SDE2: variants seen among roughly 807,000 people sequenced by gnomAD.
SDE2 encodes the protein splicing regulator SDE2.
SDE2 carries 31 observed loss-of-function variants against 46.9 expected under a neutral mutation model. That is an observed-to-expected ratio of 0.66 (90% CI 0.50 to 0.89). The LOEUF is 0.89. SDE2 is among the 40% of genes least tolerant of loss of function. The probability of loss-of-function intolerance (pLI) is 0.00; values close to 1 mark genes in which losing one functional copy is unlikely to be tolerated. For missense variants in SDE2, 542 were observed against 564.4 expected (o/e 0.96, Z 0.40); for synonymous variants, 205 against 204.3 (o/e 1.00, Z -0.03).
At chr1:225,996,690 C>T (rs991814992) in intron 1 of SDE2, among the ~76,000 whole-genome samples, 8 of 152,162 alleles carry the variant, frequency 5.3e-5, no homozygotes, top group Admixed American at 5.2e-4. Context: ...GAACTGCACA[C>T]CAGGAGTCAT....
intron 1 of SDE2, among the ~76,000 whole-genome samples, chr1:225,996,573 GC>G (rs1656532088): frequency 6.6e-6 from 1 of 152,158 alleles, no homozygotes; most frequent in Admixed American, 6.5e-5. Context: ...AACCATTTGT[GC>G]ATTGTAAAGT....
chr1:225,988,346 A>C lies in SDE2; in HGVS notation c.684T>G (p.Ser228=). The C allele has an allele frequency of 6.2e-7, 1 of 1,614,168 alleles. No homozygotes were observed. Among genetic ancestry groups the C allele is most frequent in the Non-Finnish European group, 8.5e-7 (1 of 1,180,010 alleles). The change falls in exon 6 of 7, where the codon TCT becomes TCG. Residue 228 remains serine (S), a synonymous_variant. Transcript: ENST00000272091. ...CTTCACTGTCATCATCTGAACTCTCAGAGTTGGACCCTTCTGCAGTCTCTA... is the reference window on the plus strand; with the variant it reads ...CTTCACTGTCATCATCTGAACTCTCCGAGTTGGACCCTTCTGCAGTCTCTA... ...EGLETAEGSN[S]ESSDDDSEEA...
Position 225,985,206 on chromosome 1 carries a change from C to T in SDE2, c.*96G>A. 1.1e-6 allele frequency: 1 copy of T among 940,332 alleles called. No individual in the cohort carries two copies. The highest frequency in any genetic ancestry group is 1.7e-6 in the Non-Finnish European group (1 of 599,866). 58.2% of individuals were successfully genotyped at this position (940,332 alleles called of 1,614,324 possible). A position where few individuals can be genotyped will look rare whatever the true frequency, so the allele number is the denominator to read the frequency against. The stretch of plus-strand genomic sequence containing the variant: ...TAGAATTGGGTTACTAAAAAGTTAG[C>T]TTTTAATATCAACAGGAATACTGGT... On this transcript the variant is annotated 3_prime_UTR_variant, in exon 7 of 7. Coordinates refer to ENST00000272091, the MANE Select transcript of SDE2 (RefSeq NM_152608.4).
At chr1:225,992,234 T>A (rs575177568) in intron 4 of SDE2, among the ~76,000 whole-genome samples, 164 bp downstream of exon 4, 1 of 152,152 alleles carries the variant, frequency 6.6e-6, no homozygotes, top group African/African-American at 2.4e-5. Context: ...AAAAAAATAC[T>A]GTGTTCATTT....
At position 225,991,266 on chromosome 1, in the gene SDE2, A is replaced by G; in HGVS notation, c.618T>C (p.Ser206=). The G allele has an allele frequency of 2.5e-6, 4 of 1,613,940 alleles. No homozygotes were observed. Among genetic ancestry groups the G allele is most frequent in the Non-Finnish European group, 3.4e-6 (4 of 1,179,840 alleles). ...ACCAGAAGCATCTCCTCTTTCCCGC[A>G]CTGGCTCCTCTGTCTGTTTGAGATT... ...PTKSQTDRGA[S]AGKRRCFWLG... Residue 206 remains serine, a synonymous_variant, in exon 5 of 7, where the codon AGT becomes AGC. Transcript: ENST00000272091.
chr1:225,985,867 G>C (rs1181501286), intron 6 of SDE2, among the ~76,000 whole-genome samples: 1 of 152,090 alleles, frequency 6.6e-6, no homozygotes, highest in East Asian at 1.9e-4. Context: ...AGAAAGAGCA[G>C]GCACTCCTAA....
At chr1:225,990,000 G>C (rs1455364485) in intron 5 of SDE2, among the ~76,000 whole-genome samples, 2 of 151,580 alleles carry the variant, frequency 1.3e-5, no homozygotes, top group African/African-American at 4.8e-5. Flanking sequence ...GCTTAAACCT[G>C]GGAGGTCAAG....
Position 225,991,307 on chromosome 1 carries a change from G to T in SDE2, c.577C>A (p.Arg193=), listed in dbSNP as rs951215262. The change falls in exon 5 of 7, where the codon CGG becomes AGG. Residue 193 remains arginine (R), a synonymous_variant. Coordinates refer to ENST00000272091, the MANE Select transcript of SDE2 (RefSeq NM_152608.4). ...VSAEISENRK[R]QWPTKSQTDR... The stretch of plus-strand genomic sequence containing the variant: ...GTTTGAGATTTAGTAGGCCATTGCC[G>T]TTTCCGATTCTCACTGATTTCTGCT... The T allele has an allele frequency of 2.5e-6, 4 of 1,613,556 alleles. No homozygotes were observed. In the South Asian group the frequency reaches 4.4e-5, roughly 18 times the overall value.
At chr1:225,993,830 T>G (rs1343017264) in intron 2 of SDE2, among the ~76,000 whole-genome samples, 1 of 152,120 alleles carries the variant, frequency 6.6e-6, no homozygotes, top group African/African-American at 2.4e-5. Flanking sequence ...AATGGCTTGA[T>G]GTAATCAAAG....
Position 225,992,992 on chromosome 1 carries a change from A to G in SDE2, c.249T>C (p.Ser83=). 2 of 1,600,482 alleles carry G rather than the reference A, an allele frequency of 1.2e-6. No individual in the cohort carries two copies. Among genetic ancestry groups the G allele is most frequent in the South Asian group, 1.1e-5 (1 of 90,704 alleles). Residue 83 remains serine (S), a synonymous_variant, in exon 3 of 7, where the codon TCT becomes TCC. Transcript: ENST00000272091. ...TCTGAGCACCAAGTGCTCGGAGCAT[A>G]GATCCAAAACCTGAGCAGATGTATT... ...RLCGGKGGFG[S]MLRALGAQIE... is the part of the protein sequence containing the mutation.
intron 1 of SDE2, 54 bp downstream of exon 1, chr1:225,999,139 G>A (rs1336198942): frequency 1.3e-6 from 2 of 1,489,850 alleles, no homozygotes; most frequent in African/African-American, 2.8e-5. Flanking sequence ...TCCGCACCCA[G>A]CGCTGCCACC....
Position 225,985,105 on chromosome 1 carries a change from C to A in SDE2, c.*197G>T, listed in dbSNP as rs1277019278. ...TATTTATTAAATACACTATAGAAAACCAGACAAAGAAAATTTAAGGCCCAG... is the reference window on the plus strand; with the variant it reads ...TATTTATTAAATACACTATAGAAAAACAGACAAAGAAAATTTAAGGCCCAG... On this transcript the variant is annotated 3_prime_UTR_variant, in exon 7 of 7. Transcript: ENST00000272091. The A allele has an allele frequency of 5.2e-6, 3 of 582,252 alleles. No individual in the cohort carries two copies. The highest frequency in any genetic ancestry group is 3.8e-5 in the African/African-American group (2 of 53,320). The allele number at this position is 582,252 out of a possible 1,614,324, so 36.1% of individuals were successfully genotyped here.
rs1656209110 is a variant in SDE2, at chr1:225,983,728, T to G, written c.*1574A>C. Reference sequence around the variant, plus strand: ...CTAAAATACGCATTCTTTTAAACTGTGTATGGTACACTCACCATGACAGAC... The same window carrying G: ...CTAAAATACGCATTCTTTTAAACTGGGTATGGTACACTCACCATGACAGAC... On this transcript the variant is annotated 3_prime_UTR_variant, in exon 7 of 7. Transcript: ENST00000272091. The G allele has an allele frequency of 6.6e-6, 1 of 152,078 alleles. No homozygotes were observed. Among genetic ancestry groups the G allele is most frequent in the East Asian group, 1.9e-4 (1 of 5,188 alleles). 9.4% of individuals were successfully genotyped at this position (152,078 alleles called of 1,614,324 possible).
At chr1:225,997,677 C>G (rs1440463899) in intron 1 of SDE2, among the ~76,000 whole-genome samples, 1 of 152,170 alleles carries the variant, frequency 6.6e-6, no homozygotes, top group East Asian at 1.9e-4. Context: ...GTGATCTGCC[C>G]GCCTCGACCT....
intron 3 of SDE2, 36 bp from the exon 4 acceptor site, chr1:225,992,603 A>G: frequency 8.1e-7 from 1 of 1,235,758 alleles, no homozygotes; most frequent in Non-Finnish European, 1.2e-6. Context: ...AACTGAATAG[A>G]TATATTACAT....
chr1:225,986,486 T>C (rs1277717868), intron 6 of SDE2, among the ~76,000 whole-genome samples: 1 of 152,192 alleles, frequency 6.6e-6, no homozygotes, highest in East Asian at 1.9e-4. Context: ...ATCTTTCTAG[T>C]TGATCTTTGT....
At chr1:225,985,801 T>C (rs1309917395) in intron 6 of SDE2, among the ~76,000 whole-genome samples, 1 of 152,190 alleles carries the variant, frequency 6.6e-6, no homozygotes, top group African/African-American at 2.4e-5. Flanking sequence ...TTCCGATTTT[T>C]CTAGTAAACA....
chr1:225,993,552 C>A (rs1462957975), intron 2 of SDE2, among the ~76,000 whole-genome samples: 1 of 151,492 alleles, frequency 6.6e-6, no homozygotes, highest in Non-Finnish European at 1.5e-5. Context: ...GCAGAGCTTG[C>A]AGTGAGCTGA....
Position 225,984,969 on chromosome 1 carries a change from A to T in SDE2, c.*333T>A, listed in dbSNP as rs570356544. The T allele has an allele frequency of 1.9e-4, 54 of 278,430 alleles. No homozygotes were observed. Among genetic ancestry groups the T allele is most frequent in the African/African-American group, 1.1e-3 (50 of 44,484 alleles). 17.2% of individuals were successfully genotyped at this position (278,430 alleles called of 1,614,324 possible). The stretch of plus-strand genomic sequence containing the variant: ...AAAAGGGTAAGAAGGGACCATTATA[A>T]ATAACCTTATGTCTACAAATTTGAT... On this transcript the variant is annotated 3_prime_UTR_variant, in exon 7 of 7. Coordinates refer to ENST00000272091, the MANE Select transcript of SDE2 (RefSeq NM_152608.4).
Sources: allele counts gnomAD v4.1 joint callset (sites outside exome capture counted in the v4.1 genomes callset), GRCh38; gene constraint gnomAD v4.1.1; transcripts MANE v1.5; gene names NCBI Gene and HGNC (gene_info 2026-07-23, HGNC 2026-07-21).